Variants in SLC23A3 observed in about 807,000 individuals in gnomAD.
SLC23A3 encodes solute carrier family 23 member 3.
A neutral mutation model predicts 64.7 loss-of-function variants in SLC23A3; 41 were observed. The ratio of observed to expected loss-of-function variants is 0.63; its 90% CI spans 0.49 to 0.82. The LOEUF (loss-of-function observed/expected upper bound fraction) is 0.82, where lower values mean the gene tolerates loss of function less well. Among genes scored for constraint, SLC23A3 ranks in the 40% least tolerant of loss-of-function variants. The pLI, the probability that SLC23A3 is intolerant of heterozygous loss-of-function variation, is 0.00. For missense variants in SLC23A3, 647 were observed against 733.4 expected (o/e 0.88, Z 1.36); for synonymous variants, 281 against 306.8 (o/e 0.92, Z 0.88).
At chr2:219,163,604 TCA>T (rs751106811) in intron 9 of SLC23A3, 49 bp from the exon 10 acceptor site, 2 of 1,556,020 alleles carry the variant, frequency 1.3e-6, no homozygotes, top group East Asian at 2.2e-5. Flanking sequence ...TCAAGGGGGC[TCA>T]CATAGCATGG....
In SLC23A3 at chr2:219,163,317, A is replaced by G. The variant is rs1381810499; in HGVS notation, c.1441+71T>C. On this transcript the variant is annotated intron_variant, in intron 10 of 11. Coordinates refer to ENST00000409878, the MANE Select transcript of SLC23A3 (RefSeq NM_001144889.2). Reference sequence around the variant, plus strand: ...AAAGCCCAGAGAAGGCTGTGGGGCCAGGAGTCCGGGCAGCCTGAAGCCTCA... The same window carrying G: ...AAAGCCCAGAGAAGGCTGTGGGGCCGGGAGTCCGGGCAGCCTGAAGCCTCA... The G allele has an allele frequency of 2.0e-6, 3 of 1,482,452 alleles. No homozygotes were observed. In the East Asian group the frequency reaches 6.8e-5, roughly 34 times the overall value. The allele number at this position is 1,482,452 out of a possible 1,614,324, so 91.8% of individuals were successfully genotyped here. A position where few individuals can be genotyped will look rare whatever the true frequency, so the allele number is the denominator to read the frequency against.
At chr2:219,167,881 T>C in intron 7 of SLC23A3, 49 bp downstream of exon 7, 7 of 1,380,470 alleles carry the variant, frequency 5.1e-6, no homozygotes, top group Non-Finnish European at 7.0e-6. Context: ...TGAGTTCAAA[T>C]AGATACCTTT....
rs765380164 is a variant in SLC23A3 at position 219,162,309 on chromosome 2, G to A, written c.1527C>T (p.Asn509=). The A allele has an allele frequency of 1.7e-5, 27 of 1,613,972 alleles. No homozygotes were observed. The highest frequency in any genetic ancestry group is 5.1e-6 in the Non-Finnish European group (6 of 1,180,004). Residue 509 remains asparagine, a synonymous_variant, in exon 11 of 12, where the codon AAC becomes AAT. Transcript: ENST00000409878. ...LAGLSGFLLE[N]TIPGTQLERG... ...CTAGCCTCAACTTACCAGGAATCGT[G>A]TTCTCTAGTAGGAAGCCTGAGAGTC... is the stretch of plus-strand genomic sequence containing the variant.
intron 7 of SLC23A3, 62 bp downstream of exon 7, chr2:219,167,868 C>A (rs1950019138): frequency 7.2e-6 from 9 of 1,253,972 alleles, no homozygotes; most frequent in African/African-American, 4.6e-5. Context: ...CCATTAAGTT[C>A]TTTGAGTTCA....
At position 219,165,235 on chromosome 2, in the gene SLC23A3, C is replaced by T. The variant is rs186568485; in HGVS notation, c.1101G>A (p.Gly367=). 2 of 1,551,702 alleles carry T rather than the reference C, an allele frequency of 1.3e-6. No homozygotes were observed. The highest frequency in any genetic ancestry group is 2.4e-5 in the East Asian group (1 of 40,922). The change falls in exon 8 of 12, where the codon GGG becomes GGA. Residue 367 remains glycine (G), a synonymous_variant. Coordinates refer to ENST00000409878, the MANE Select transcript of SLC23A3 (RefSeq NM_001144889.2). ...CAGTGCCCATGGGGCTTCCCAGCAG[C>T]CCGGCCAGCACACTGCCCAGCCCCT... is the stretch of plus-strand genomic sequence containing the variant. ...SLEGLGSVLA[G]LLGSPMGTAS... is the part of the protein sequence containing the mutation.
chr2:219,165,430 G>T lies in SLC23A3; in HGVS notation c.914-8C>A. On this transcript the variant is annotated splice_polypyrimidine_tract_variant and splice_region_variant and intron_variant, in intron 7 of 11. Coordinates refer to ENST00000409878, the MANE Select transcript of SLC23A3 (RefSeq NM_001144889.2). ...AAGGCCAATTCCACTCACCTGGGGA[G>T]GGAGAAGAAGCCACTTTGGGGCCAG... is the stretch of plus-strand genomic sequence containing the variant. 1 of 1,541,302 alleles carries T rather than the reference G, an allele frequency of 6.5e-7. No homozygotes were observed. The highest frequency in any genetic ancestry group is 1.2e-5 in the South Asian group (1 of 82,618).
rs3795986 is a variant in SLC23A3 at position 219,169,108 on chromosome 2, A to G, written c.419-6T>C. ...AAGGTGCAGCATGAGGGAGGCTAGG[A>G]AAAGTTTGGGGCATGGAGAAGAGAA... On this transcript the variant is annotated splice_region_variant and splice_polypyrimidine_tract_variant and intron_variant, in intron 3 of 11. Transcript: ENST00000409878. This position sits in a 1 kb window ranked among gnomAD's most constrained non-coding sequence, Gnocchi z 4.5. 970,466 of 1,612,438 alleles carry G rather than the reference A, an allele frequency of 0.6. 301,247 individuals are homozygous for G. Among genetic ancestry groups the G allele is most frequent in the Non-Finnish European group, 0.64 (754,868 of 1,178,726 alleles).
Position 219,161,616 on chromosome 2 carries a change from G to T in SLC23A3, c.*293C>A, listed in dbSNP as rs961553131. The T allele has an allele frequency of 1.4e-4, 39 of 279,792 alleles. No individual in the cohort carries two copies. Among genetic ancestry groups the T allele is most frequent in the Non-Finnish European group, 2.0e-5 (3 of 149,874 alleles). The allele number at this position is 279,792 out of a possible 1,614,324, so 17.3% of individuals were successfully genotyped here. ...TGTAGTTCCAGGACCTTGCACATGGGAGATGCTCAGTAAGTATTAAAGTGA... is the reference window on the plus strand; with the variant it reads ...TGTAGTTCCAGGACCTTGCACATGGTAGATGCTCAGTAAGTATTAAAGTGA... On this transcript the variant is annotated 3_prime_UTR_variant, in exon 12 of 12. Coordinates refer to ENST00000409878, the MANE Select transcript of SLC23A3 (RefSeq NM_001144889.2).
chr2:219,169,459 CT>C lies in SLC23A3; in HGVS notation c.321-54del. 6.2e-7 allele frequency: 1 copy of C among 1,613,578 alleles called. No individual in the cohort carries two copies. The highest frequency in any genetic ancestry group is 8.5e-7 in the Non-Finnish European group (1 of 1,179,678). On this transcript the variant is annotated intron_variant, in intron 2 of 11. Coordinates refer to ENST00000409878, the MANE Select transcript of SLC23A3 (RefSeq NM_001144889.2). This position sits in a 1 kb window ranked among gnomAD's most constrained non-coding sequence, Gnocchi z 4.5. ...TGGGACTATGTGGCAGCCAGCAAGG[CT>C]CCCCCAAACCTCTCCTACCCTCCAG...
intron 10 of SLC23A3, among the ~76,000 whole-genome samples, chr2:219,162,926 C>G (rs1388530995): frequency 6.6e-6 from 1 of 152,212 alleles, no homozygotes; most frequent in Non-Finnish European, 1.5e-5. Flanking sequence ...GGGGCAAAAT[C>G]ACCCAGTTGA....
chr2:219,164,422 T>C, intron 8 of SLC23A3, 84 bp from the exon 9 acceptor site: 2 of 875,350 alleles, frequency 2.3e-6, no homozygotes, highest in Non-Finnish European at 1.8e-6. Flanking sequence ...TTCTCATCAT[T>C]TGGATCCCAG....
rs373370057 is a variant in SLC23A3, at chr2:219,169,916, C to A, written c.69G>T (p.Leu23Phe). The change falls in exon 1 of 12, where the codon TTG (leucine) becomes TTT (phenylalanine). Residue 23 changes from leucine (L) to phenylalanine (F), a missense_variant. Leu to Phe is a conservative substitution (Grantham distance 22). Transcript: ENST00000409878. The surrounding 1 kb of genome is among the most constrained non-coding windows in gnomAD (Gnocchi z 4.5). ...SVGSQDALAP[L>F]PPPAPQNPST... ...AGGGATTCTGGGGAGCAGGTGGAGG[C>A]AAGGGGGCCAGGGCATCCTGGGAGC... 1 of 1,613,778 alleles carries A rather than the reference C, an allele frequency of 6.2e-7. No individual in the cohort carries two copies. The highest frequency in any genetic ancestry group is 1.1e-5 in the South Asian group (1 of 91,072).
chr2:219,162,461 C>A (rs957412867), intron 10 of SLC23A3, 67 bp from the exon 11 acceptor site: 2 of 1,138,828 alleles, frequency 1.8e-6, no homozygotes, highest in African/African-American at 3.0e-5. Context: ...GAGTCTTACC[C>A]TCCCAGACCT....
In SLC23A3 at chr2:219,170,024, A is replaced by G. The variant is rs769326183; in HGVS notation, c.-40T>C. 2.5e-6 allele frequency: 4 copies of G among 1,599,434 alleles called. No individual in the cohort carries two copies. The highest frequency in any genetic ancestry group is 1.1e-5 in the South Asian group (1 of 89,378). On this transcript the variant is annotated 5_prime_UTR_variant, in exon 1 of 12. Transcript: ENST00000409878. Reference sequence around the variant, plus strand: ...CGCTTTGTCTTGGCTGCCCGGGACCAGAGTTAAGTAGAGAGAGTAAGAGGT... The same window carrying G: ...CGCTTTGTCTTGGCTGCCCGGGACCGGAGTTAAGTAGAGAGAGTAAGAGGT...
chr2:219,167,689 C>T (rs1034072704), intron 7 of SLC23A3, among the ~76,000 whole-genome samples: 1 of 151,866 alleles, frequency 6.6e-6, no homozygotes, highest in Admixed American at 6.6e-5. Context: ...TTGCGTGAGC[C>T]ATGATCACGC....
In SLC23A3 at chr2:219,169,862, T is replaced by G. The variant is rs1950044131; in HGVS notation, c.123A>C (p.Gly41=). 2 of 1,613,690 alleles carry G rather than the reference T, an allele frequency of 1.2e-6. No individual in the cohort carries two copies. The highest frequency in any genetic ancestry group is 1.7e-5 in the Admixed American group (1 of 59,902). The change falls in exon 1 of 12, where the codon GGA becomes GGC. Residue 41 remains glycine (G), a synonymous_variant. Coordinates refer to ENST00000409878, the MANE Select transcript of SLC23A3 (RefSeq NM_001144889.2). The surrounding 1 kb of genome is among the most constrained non-coding windows in gnomAD (Gnocchi z 4.5). ...PSTHSWDPLC[G]SLPWGLSCLL... ...GACAGCTGAGGCCCCAAGGCAGAGATCCACACAAAGGGTCCCAAGAGTGGG... is the reference window on the plus strand; with the variant it reads ...GACAGCTGAGGCCCCAAGGCAGAGAGCCACACAAAGGGTCCCAAGAGTGGG...
At chr2:219,166,795 A>T (rs1294326971) in intron 7 of SLC23A3, among the ~76,000 whole-genome samples, 1 of 152,076 alleles carries the variant, frequency 6.6e-6, no homozygotes, top group Non-Finnish European at 1.5e-5. Flanking sequence ...CTGCCTCCCA[A>T]AGTGCTGGGA....
At position 219,165,249 on chromosome 2, in the gene SLC23A3, T is replaced by C; in HGVS notation, c.1087A>G (p.Ser363Gly). The stretch of plus-strand genomic sequence containing the variant: ...CTTCCCAGCAGCCCGGCCAGCACAC[T>C]GCCCAGCCCCTCCAGGCTCAGCCCT... ...SRGLSLEGLG[S>G]VLAGLLGSPM... is the part of the protein sequence containing the mutation. Residue 363 changes from serine to glycine, a missense_variant, in exon 8 of 12, where the codon AGT (serine) becomes GGT (glycine). Coordinates refer to ENST00000409878, the MANE Select transcript of SLC23A3 (RefSeq NM_001144889.2). The C allele has an allele frequency of 6.4e-7, 1 of 1,551,636 alleles. No individual in the cohort carries two copies. Among genetic ancestry groups the C allele is most frequent in the Non-Finnish European group, 8.7e-7 (1 of 1,147,012 alleles).
Position 219,168,239 on chromosome 2 carries a change from T to C in SLC23A3, c.754A>G (p.Thr252Ala), listed in dbSNP as rs371603332. 8.7e-6 allele frequency: 14 copies of C among 1,613,802 alleles called. No individual in the cohort carries two copies. The highest frequency in any genetic ancestry group is 1.6e-4 in the Middle Eastern group (1 of 6,082). Residue 252 changes from threonine (T) to alanine (A), a missense_variant, in exon 6 of 12, where the codon ACG (threonine) becomes GCG (alanine). Thr to Ala is a moderately conservative substitution (Grantham distance 58). Coordinates refer to ENST00000409878, the MANE Select transcript of SLC23A3 (RefSeq NM_001144889.2). ...GGGAGAGGAGTGTGAGTTGATGACG[T>C]TGAAGCTCGCCTCCAGGGGCACACA... is the stretch of plus-strand genomic sequence containing the variant. Reference protein sequence around the residue: ...FHVCPWRRASTSSTHTPLPVF... With the variant: ...FHVCPWRRASASSTHTPLPVF...
Sources: allele counts gnomAD v4.1 joint callset (sites outside exome capture counted in the v4.1 genomes callset), GRCh38; gene constraint gnomAD v4.1.1; non-coding constraint Gnocchi (gnomAD v3.1); transcripts MANE v1.5; gene names NCBI Gene and HGNC (gene_info 2026-07-23, HGNC 2026-07-21).